Variants in SND1 observed in about 807,000 individuals in gnomAD.
SND1 encodes the protein staphylococcal nuclease domain-containing protein 1.
In SND1, 38 loss-of-function variants were observed where a neutral mutation model predicts 121.7. That is an observed-to-expected ratio of 0.31 (90% CI 0.24 to 0.41). SND1 has a LOEUF of 0.41. SND1 is among the 10% of genes least tolerant of loss of function. The pLI, the probability that SND1 is intolerant of heterozygous loss-of-function variation, is 1.00. For missense variants in SND1, 868 were observed against 1,184.6 expected (o/e 0.73, Z 3.92); for synonymous variants, 401 against 447.4 (o/e 0.90, Z 1.31).
intron 16 of SND1, among the ~76,000 whole-genome samples, chr7:128,010,987 C>CT (rs1387280847): frequency 2.0e-5 from 3 of 152,122 alleles, no homozygotes; most frequent in Non-Finnish European, 4.4e-5. Flanking sequence ...ACAGCCTCAT[C>CT]TTTTTGCAGG....
In SND1 at chr7:127,991,217, T is replaced by G. The variant is rs537476926; in HGVS notation, c.1779+161T>G. 2.6e-5 allele frequency among the ~76,000 whole-genome samples: 4 copies of G among 152,328 alleles called. No individual in the cohort carries two copies. In the South Asian group the frequency reaches 8.3e-4, roughly 32 times the overall value. ...GCCCACATCTTATTTCCCTGAGCGC[T>G]GCTTCATTGGCCAGCCACCCCCAAA... is the stretch of plus-strand genomic sequence containing the variant. On this transcript the variant is annotated intron_variant, in intron 16 of 23. Transcript: ENST00000354725.
At chr7:128,030,196 G>A (rs375343390) in intron 16 of SND1, 217 of 1,614,146 alleles carry the variant, frequency 1.3e-4, no homozygotes, top group Non-Finnish European at 1.8e-4. Flanking sequence ...AGCTCCCGCA[G>A]CTTGGACAGG....
At chr7:127,954,951 A>G (rs1190944603) in intron 15 of SND1, among the ~76,000 whole-genome samples, 2 of 152,148 alleles carry the variant, frequency 1.3e-5, no homozygotes, top group African/African-American at 4.8e-5. Flanking sequence ...GCTGAGACTC[A>G]TGTCTTGTTT....
At chr7:127,978,117 T>C (rs1426052349) in intron 15 of SND1, among the ~76,000 whole-genome samples, 4 of 151,866 alleles carry the variant, frequency 2.6e-5, no homozygotes, top group Non-Finnish European at 4.4e-5. Flanking sequence ...TGAGAATGGA[T>C]AGACCTGCCA....
chr7:127,676,652 G>A (rs1795621732), intron 1 of SND1, among the ~76,000 whole-genome samples: 1 of 152,194 alleles, frequency 6.6e-6, no homozygotes, highest in Non-Finnish European at 1.5e-5. Flanking sequence ...TATCTTAACT[G>A]ATAAATCAAG....
chr7:128,043,875 C>G (rs1792901425), intron 16 of SND1, among the ~76,000 whole-genome samples: 1 of 151,670 alleles, frequency 6.6e-6, no homozygotes, highest in Non-Finnish European at 1.5e-5. Context: ...CACACACACA[C>G]ACACACACAC....
intron 14 of SND1, among the ~76,000 whole-genome samples, chr7:127,918,671 G>GTA (rs1446918438): frequency 6.6e-6 from 1 of 152,158 alleles, no homozygotes; most frequent in African/African-American, 2.4e-5. Context: ...AATGAACGCT[G>GTA]TAAATAGTTC....
chr7:128,070,707 G>T (rs1392997207), intron 16 of SND1, among the ~76,000 whole-genome samples: 1 of 152,164 alleles, frequency 6.6e-6, no homozygotes, highest in Non-Finnish European at 1.5e-5. Context: ...GAGGCAACTT[G>T]TGAGACATGT....
At chr7:127,923,243 G>A (rs976653919) in intron 14 of SND1, among the ~76,000 whole-genome samples, 3 of 152,196 alleles carry the variant, frequency 2.0e-5, no homozygotes, top group African/African-American at 7.2e-5. Context: ...TAGGATTACA[G>A]GCATGCGCCA....
intron 10 of SND1, among the ~76,000 whole-genome samples, chr7:127,749,657 G>C (rs1797049964): frequency 2.0e-5 from 3 of 152,234 alleles, no homozygotes; most frequent in Admixed American, 6.5e-5. Flanking sequence ...AGTGGATGTA[G>C]ATTTATCAAT....
At chr7:127,801,987 AC>A (rs1290801192) in intron 10 of SND1, among the ~76,000 whole-genome samples, 1 of 151,964 alleles carries the variant, frequency 6.6e-6, no homozygotes. Context: ...GACTACAGGC[AC>A]CCACCACCAT....
At chr7:127,697,292 G>C (rs1019405674) in intron 3 of SND1, among the ~76,000 whole-genome samples, 2 of 152,096 alleles carry the variant, frequency 1.3e-5, no homozygotes, top group African/African-American at 2.4e-5. Context: ...CGTTGCCTCC[G>C]TTGAGGGTTC....
intron 15 of SND1, among the ~76,000 whole-genome samples, chr7:127,929,821 G>A (rs1226803461): frequency 4.0e-5 from 6 of 151,732 alleles, no homozygotes; most frequent in Non-Finnish European, 7.4e-5. Context: ...CAGCCATGAC[G>A]TTGCTTTCAC....
intron 15 of SND1, among the ~76,000 whole-genome samples, chr7:127,976,628 C>T (rs1289175012): frequency 6.6e-6 from 1 of 152,222 alleles, no homozygotes; most frequent in Non-Finnish European, 1.5e-5. Context: ...GTAAAGGATG[C>T]AGAAGTCCTT....
intron 16 of SND1, among the ~76,000 whole-genome samples, chr7:128,045,591 CT>C (rs1197407743): frequency 6.6e-6 from 1 of 152,180 alleles, no homozygotes; most frequent in Admixed American, 6.5e-5. Flanking sequence ...TCATGGGTCA[CT>C]TTAGGCTATA....
chr7:127,842,474 G>A (rs1183938711), intron 11 of SND1, among the ~76,000 whole-genome samples: 1 of 151,964 alleles, frequency 6.6e-6, no homozygotes, highest in African/African-American at 2.4e-5. Flanking sequence ...TGCATTTTGT[G>A]CGTCTAACTT....
chr7:127,923,334 T>C lies in SND1; in HGVS notation c.1528-5854T>C, dbSNP rs566907633. Among the ~76,000 whole-genome samples, 7 of 152,290 alleles carry C rather than the reference T, an allele frequency of 4.6e-5. No individual in the cohort carries two copies. In the South Asian group the frequency reaches 1.5e-3, roughly 32 times the overall value. On this transcript the variant is annotated intron_variant, in intron 14 of 23. Transcript: ENST00000354725. ...TGTTGTAATTTTTTTGTTTGGGGGT[T>C]TGTTTTTGTCAGTGTTCTCCTCTGT...
In SND1 at chr7:127,980,269, C is replaced by T. The variant is rs1441847660; in HGVS notation, c.1670-10678C>T. Among the ~76,000 whole-genome samples the T allele has an allele frequency of 6.8e-5, 4 of 58,658 alleles. 1 individual carries two copies. The highest frequency in any genetic ancestry group is 1.1e-4 in the Non-Finnish European group (4 of 34,820). 38.5% of individuals were successfully genotyped at this position (58,658 alleles called of 152,430 possible). On this transcript the variant is annotated intron_variant, in intron 15 of 23. Transcript: ENST00000354725. ...CTGGGACTACAGGCGCCCGCCACTA[C>T]GCCCGGCTAATTTTTTTTTTTTTTG...
intron 2 of SND1, among the ~76,000 whole-genome samples, chr7:127,690,932 C>G (rs1795901859): frequency 6.6e-6 from 1 of 152,222 alleles, no homozygotes; most frequent in Non-Finnish European, 1.5e-5. Context: ...ACTCAGCTGT[C>G]TCTTAAGTCC....
Sources: allele counts gnomAD v4.1 joint callset (sites outside exome capture counted in the v4.1 genomes callset), GRCh38; gene constraint gnomAD v4.1.1; transcripts MANE v1.5; gene names NCBI Gene and HGNC (gene_info 2026-07-23, HGNC 2026-07-21).